BCKDHB: variants seen among roughly 807,000 people sequenced by gnomAD.
BCKDHB encodes 2-oxoisovalerate dehydrogenase subunit beta, mitochondrial.
A neutral mutation model predicts 48.5 loss-of-function variants in BCKDHB; 41 were observed. The ratio of observed to expected loss-of-function variants is 0.85; its 90% CI spans 0.66 to 1.10. The LOEUF (loss-of-function observed/expected upper bound fraction) is 1.10. Ranked by LOEUF, BCKDHB falls within the 50% of genes least tolerant of loss-of-function variation. The pLI is 0.00. For synonymous variants in BCKDHB, 201 were observed against 174.8 expected, an observed-to-expected ratio of 1.15 and a Z score of -1.18; for missense variants, 496 against 494.2, an observed-to-expected ratio of 1.00 and a Z score of -0.03.
At chr6:80,458,239 C>T in the BCKDHB span, among the ~76,000 whole-genome samples, 1 of 152,176 alleles carries the variant, frequency 6.6e-6, no homozygotes, top group Non-Finnish European at 1.5e-5. Flanking sequence ...TTCACTTATT[C>T]TTGGAGAGAA....
intron 3 of BCKDHB, among the ~76,000 whole-genome samples, chr6:80,135,103 T>C (rs982688978): frequency 1.3e-5 from 2 of 152,146 alleles, no homozygotes; most frequent in Admixed American, 6.6e-5. Context: ...ATCTTTGCTC[T>C]CTTATATATT....
At chr6:80,259,404 A>G (rs1777194927) in intron 8 of BCKDHB, among the ~76,000 whole-genome samples, 1 of 152,188 alleles carries the variant, frequency 6.6e-6, no homozygotes. Flanking sequence ...GGGGAGCAAT[A>G]ACATTGAAAG....
At chr6:80,298,137 G>A (rs1383953876) in intron 9 of BCKDHB, among the ~76,000 whole-genome samples, 1 of 151,686 alleles carries the variant, frequency 6.6e-6, no homozygotes, top group African/African-American at 2.4e-5. Flanking sequence ...TTCCTAGACA[G>A]AGTCTCACTC....
chr6:80,169,120 GAAAAC>G, intron 5 of BCKDHB, 90 bp downstream of exon 5: 1 of 1,504,048 alleles, frequency 6.6e-7, no homozygotes. Context: ...CTAGAGGAAA[GAAAAC>G]AAACAGGATT....
chr6:80,417,022 G>T, the BCKDHB span, among the ~76,000 whole-genome samples: 1 of 151,698 alleles, frequency 6.6e-6, no homozygotes, highest in Admixed American at 6.6e-5. Context: ...CTTGCTTTAT[G>T]AATCTGGGTG....
At chr6:80,404,557 T>C in the BCKDHB span, among the ~76,000 whole-genome samples, 1 of 152,122 alleles carries the variant, frequency 6.6e-6, no homozygotes, top group Non-Finnish European at 1.5e-5. Flanking sequence ...CTAGCCTCTA[T>C]CTCGTTTCTT....
intron 6 of BCKDHB, among the ~76,000 whole-genome samples, chr6:80,173,993 A>G (rs1237383762): frequency 6.6e-6 from 1 of 152,080 alleles, no homozygotes; most frequent in Admixed American, 6.6e-5. Context: ...GAAGGAATCA[A>G]AGAGACAGTT....
intron 9 of BCKDHB, among the ~76,000 whole-genome samples, chr6:80,311,261 A>G (rs1227164038): frequency 6.6e-6 from 1 of 152,118 alleles, no homozygotes; most frequent in East Asian, 1.9e-4. Flanking sequence ...CTCCAACCAC[A>G]TGGAACTGCA....
the BCKDHB span, among the ~76,000 whole-genome samples, chr6:80,422,223 A>G: frequency 6.6e-6 from 1 of 152,216 alleles, no homozygotes; most frequent in Non-Finnish European, 1.5e-5. Context: ...TTCAGAGGGT[A>G]CAAACCCAAA....
chr6:80,385,133 T>C, the BCKDHB span, among the ~76,000 whole-genome samples: 1 of 152,188 alleles, frequency 6.6e-6, no homozygotes, highest in African/African-American at 2.4e-5. Context: ...AGCTGGTTGG[T>C]TGCTCCTAAG....
intron 6 of BCKDHB, among the ~76,000 whole-genome samples, chr6:80,188,256 T>A (rs1343164714): frequency 1.3e-5 from 2 of 152,050 alleles, no homozygotes; most frequent in Non-Finnish European, 2.9e-5. Context: ...AACTAACACA[T>A]GAACACAAAA....
the BCKDHB span, among the ~76,000 whole-genome samples, chr6:80,418,092 C>T: frequency 3.3e-5 from 5 of 152,060 alleles, no homozygotes; most frequent in African/African-American, 4.8e-5. Flanking sequence ...TCTTCAAGCT[C>T]TTAGATTCTT....
At chr6:80,372,676 CA>C in the BCKDHB span, among the ~76,000 whole-genome samples, 1 of 152,064 alleles carries the variant, frequency 6.6e-6, no homozygotes, top group Non-Finnish European at 1.5e-5. Flanking sequence ...TGGATTTTGT[CA>C]AATGCTTTTT....
chr6:80,443,436 T>C, the BCKDHB span: 1 of 152,136 alleles, frequency 6.6e-6, no homozygotes, highest in African/African-American at 2.4e-5. Context: ...GAAGCATACA[T>C]CCATTGTCCA....
intron 1 of BCKDHB, among the ~76,000 whole-genome samples, chr6:80,110,979 A>G (rs896230113): frequency 6.6e-6 from 1 of 152,132 alleles, no homozygotes; most frequent in African/African-American, 2.4e-5. Context: ...ACTATTAGCA[A>G]TTTCACCAGA....
At chr6:80,238,360 A>G (rs1293443214) in intron 8 of BCKDHB, among the ~76,000 whole-genome samples, 6 of 152,284 alleles carry the variant, frequency 3.9e-5, no homozygotes, top group African/African-American at 1.2e-4. Flanking sequence ...TGGCCTCCCA[A>G]AGTGCTGGGA....
chr6:80,437,490 T>G, the BCKDHB span, among the ~76,000 whole-genome samples: 3 of 152,206 alleles, frequency 2.0e-5, no homozygotes. Flanking sequence ...CCAGCCATAG[T>G]TACTACTTTC....
At chr6:80,309,043 A>T (rs1266458058) in intron 9 of BCKDHB, among the ~76,000 whole-genome samples, 1 of 151,494 alleles carries the variant, frequency 6.6e-6, no homozygotes, top group African/African-American at 2.4e-5. Context: ...GTGGTCTACT[A>T]TTAAAAGTAT....
intron 1 of BCKDHB, among the ~76,000 whole-genome samples, chr6:80,126,102 T>C (rs1025251551): frequency 5.3e-5 from 8 of 152,168 alleles, no homozygotes; most frequent in African/African-American, 1.9e-4. Flanking sequence ...ATAAGTGATA[T>C]AAAATAATAT....
Sources: allele counts gnomAD v4.1 joint callset (sites outside exome capture counted in the v4.1 genomes callset), GRCh38; gene constraint gnomAD v4.1.1; transcripts MANE v1.5; gene names NCBI Gene and HGNC (gene_info 2026-07-23, HGNC 2026-07-21).